Variants in CSF1R observed in about 807,000 individuals in gnomAD.
The protein encoded by CSF1R is colony stimulating factor 1 receptor.
A neutral mutation model predicts 110.0 loss-of-function variants in CSF1R; 40 were observed. The observed-to-expected ratio is 0.36, with a 90% CI of 0.28 to 0.47. The LOEUF (loss-of-function observed/expected upper bound fraction) is 0.47. Ranked by LOEUF, CSF1R falls within the 20% of genes least tolerant of loss-of-function variation. The probability of loss-of-function intolerance (pLI) is 0.99; values close to 1 mark genes in which losing one functional copy is unlikely to be tolerated. For missense variants in CSF1R, 1,052 were observed against 1,253.0 expected (o/e 0.84, Z 2.42); for synonymous variants, 523 against 503.4 (o/e 1.04, Z -0.52).
intron 1 of CSF1R, among the ~76,000 whole-genome samples, chr5:150,105,392 T>A (rs868562954): frequency 0.022 from 3,092 of 141,454 alleles, 133 homozygotes; most frequent in African/African-American, 0.075. Flanking sequence ...ATATTTTTTT[T>A]TTTTTAATAG....
chr5:150,059,658 C>T, intron 14 of CSF1R, 42 bp downstream of exon 14: 1 of 1,602,828 alleles, frequency 6.2e-7, no homozygotes, highest in Non-Finnish European at 8.5e-7. Flanking sequence ...CGGATCCTGC[C>T]TCCCAGACCT....
intron 3 of CSF1R, among the ~76,000 whole-genome samples, chr5:150,079,458 G>C (rs1450966925): frequency 6.6e-6 from 1 of 152,166 alleles, no homozygotes. Flanking sequence ...CACCTCCACT[G>C]TTACCTGGCC....
At position 150,053,317 on chromosome 5, in the gene CSF1R, T is replaced by C. The variant is rs1278012753; in HGVS notation, c.*752A>G. 8.6e-6 allele frequency: 2 copies of C among 233,216 alleles called. No individual in the cohort carries two copies. The highest frequency in any genetic ancestry group is 1.7e-5 in the Non-Finnish European group (2 of 117,816). 14.4% of individuals were successfully genotyped at this position (233,216 alleles called of 1,614,324 possible). On this transcript the variant is annotated 3_prime_UTR_variant, in exon 21 of 21. Coordinates refer to ENST00000675795, the MANE Select transcript of CSF1R (RefSeq NM_001288705.3). ...GACTGCATTAATGCTGTTAGTTTAA[T>C]GTGGACAGAGACATCCCACGGCGTG...
chr5:150,084,390 AGAAGGAAGGAAGGAAG>A (rs796350408), intron 1 of CSF1R, among the ~76,000 whole-genome samples: 489 of 44,266 alleles, frequency 0.011, 9 homozygotes, highest in African/African-American at 0.011. Context: ...AAAGAAAGAA[AGAAGGAAGGAAGGAAG>A]GAAGGAAGGA....
chr5:150,111,631 C>T (rs1759720265), intron 1 of CSF1R, among the ~76,000 whole-genome samples: 1 of 152,194 alleles, frequency 6.6e-6, no homozygotes. Context: ...CCTAGCTCTG[C>T]AAATTTGGGT....
chr5:150,073,833 TACAC>T (rs780972720), intron 5 of CSF1R, among the ~76,000 whole-genome samples: 1 of 152,140 alleles, frequency 6.6e-6, no homozygotes, highest in Non-Finnish European at 1.5e-5. Context: ...CACACACACA[TACAC>T]ACACAATTTC....
At chr5:150,067,121 G>T (rs1269597586) in intron 10 of CSF1R, 1 of 152,110 alleles carries the variant, frequency 6.6e-6, no homozygotes, top group East Asian at 1.9e-4. Flanking sequence ...TGTGTGGGCA[G>T]GCAGGCAGTG....
chr5:150,077,292 C>G lies in CSF1R; in HGVS notation c.873G>C (p.Met291Ile), dbSNP rs1561934537. ...SNVQGKHSTS[M>I]FFRVVESAYL... ...GATGCTTACCTACCACCCGGAAGAA[C>G]ATGGAGGTGGAGTGCTTGCCCTGCA... Residue 291 changes from methionine (M) to isoleucine (I), a missense_variant, in exon 5 of 21, where the codon ATG becomes ATC. Met to Ile is a conservative substitution (Grantham distance 10). Coordinates refer to ENST00000675795, the MANE Select transcript of CSF1R (RefSeq NM_001288705.3). The G allele has an allele frequency of 6.2e-7, 1 of 1,614,200 alleles. No homozygotes were observed. Among genetic ancestry groups the G allele is most frequent in the Non-Finnish European group, 8.5e-7 (1 of 1,180,026 alleles).
rs566841849 is a variant in CSF1R at position 150,107,388 on chromosome 5, A to C, written c.-181+5873T>G. ...GGGTGCTATTAATAATTGCATTAAC[A>C]CAGGGGCATGAAGAAGGACTGTTCT... On this transcript the variant is annotated intron_variant, in intron 1 of 21. Coordinates refer to the CSF1R transcript ENST00000286301. Among the ~76,000 whole-genome samples, 180 of 152,302 alleles carry C rather than the reference A, an allele frequency of 1.2e-3. 1 individual carries two copies. Among genetic ancestry groups the C allele is most frequent in the African/African-American group, 4.2e-3 (173 of 41,546 alleles).
rs191001196 is a variant in CSF1R at position 150,112,615 on chromosome 5, C to T, written c.-181+646G>A. ...AGTTATTTTCTTTACAAGGCAGATCCGGGTATCACCTCATTCAACTCCTGC... is the reference window on the plus strand; with the variant it reads ...AGTTATTTTCTTTACAAGGCAGATCTGGGTATCACCTCATTCAACTCCTGC... On this transcript the variant is annotated intron_variant, in intron 1 of 21. Transcript: ENST00000286301. Among the ~76,000 whole-genome samples the T allele has an allele frequency of 5.9e-5, 9 of 152,340 alleles. No individual in the cohort carries two copies. In the East Asian group the frequency reaches 7.7e-4, roughly 13 times the overall value.
chr5:150,069,813 A>C, intron 9 of CSF1R, 60 bp downstream of exon 9: 2 of 1,168,276 alleles, frequency 1.7e-6, no homozygotes, highest in South Asian at 1.5e-5. Flanking sequence ...GGAGCCGCCT[A>C]AAGGAGCAGG....
rs943493417 is a variant in CSF1R, at chr5:150,060,952, T to C, written c.1879A>G (p.Lys627Glu). ...MLKSTAHADEKEALMSELKIM... is the reference protein window; with the variant it reads ...MLKSTAHADEEEALMSELKIM... The stretch of plus-strand genomic sequence containing the variant: ...TTCAGCTCGGACATGAGGGCCTCCT[T>C]CTCATCAGCATGGGCCGTGGCTGGG... Residue 627 changes from lysine (K) to glutamate (E), a missense_variant, in exon 13 of 21, where the codon AAG becomes GAG. By Grantham distance (56) the Lys-to-Glu change is moderately conservative. Transcript: ENST00000675795. 9.3e-6 allele frequency: 15 copies of C among 1,605,712 alleles called. No individual in the cohort carries two copies. The highest frequency in any genetic ancestry group is 4.5e-5 in the East Asian group (2 of 44,734).
chr5:150,104,280 G>A (rs1196813606), intron 1 of CSF1R, among the ~76,000 whole-genome samples: 2 of 152,240 alleles, frequency 1.3e-5, no homozygotes, highest in Admixed American at 6.5e-5. Context: ...CAAGAGGGGT[G>A]GAGGCTACAG....
rs370469459 is a variant in CSF1R, at chr5:150,054,045, G to T, written c.*24C>A. 1.4e-5 allele frequency: 23 copies of T among 1,611,686 alleles called. No homozygotes were observed. The African/African-American group carries it at 3.1e-4, about 21-fold the overall frequency. ...GAGTTGAAGTTTGTGGGAGGGGAGA[G>T]TGGTACTCCCTGTCGTCAACTCCTC... On this transcript the variant is annotated 3_prime_UTR_variant, in exon 21 of 21. Transcript: ENST00000675795.
Position 150,054,313 on chromosome 5 carries a change from C to T in CSF1R, c.2763+9G>A, listed in dbSNP as rs747191440. On this transcript the variant is annotated intron_variant, in intron 20 of 20. Coordinates refer to ENST00000675795, the MANE Select transcript of CSF1R (RefSeq NM_001288705.3). ...ACCGGCCACCCACCCCAAGCCTCAC[C>T]CCACTCACCCGCTCTCTCCTGTCCT... 6.2e-6 allele frequency: 10 copies of T among 1,614,050 alleles called. No homozygotes were observed. In the Admixed American group the frequency reaches 6.7e-5, roughly 11 times the overall value.
chr5:150,084,445 AG>A (rs1382621254), intron 1 of CSF1R, among the ~76,000 whole-genome samples: 10 of 80,034 alleles, frequency 1.2e-4, no homozygotes, highest in African/African-American at 4.3e-4. Flanking sequence ...GAAGGAAGGA[AG>A]GAAGGAAGGA....
In CSF1R at chr5:150,080,846, G is replaced by A. The variant is rs1758506093; in HGVS notation, c.228C>T (p.Phe76=). 1 of 1,614,210 alleles carries A rather than the reference G, an allele frequency of 6.2e-7. No individual in the cohort carries two copies. The highest frequency in any genetic ancestry group is 8.5e-7 in the Non-Finnish European group (1 of 1,180,038). The change falls in exon 2 of 21, where the codon TTC becomes TTT. Residue 76 remains phenylalanine, a synonymous_variant. Transcript: ENST00000675795. ...SSILSTNNAT[F]QNTGTYRCTE... ...TGCAGCGATAGGTCCCCGTGTTTTG[G>A]AAGGTAGCGTTGTTGGTGCTGAGGA...
chr5:150,107,009 G>C (rs115215423), intron 1 of CSF1R, among the ~76,000 whole-genome samples: 1 of 152,126 alleles, frequency 6.6e-6, no homozygotes, highest in Non-Finnish European at 1.5e-5. Flanking sequence ...TCTCCCTTCC[G>C]GTCTTCTTTA....
Position 150,059,816 on chromosome 5 carries a change from G to T in CSF1R, c.2016C>A (p.Leu672=). Reference sequence around the variant, plus strand: ...CCTCAGCCTTCCTTCGCAGAAAGTTGAGCAGGTCGCCATAGCAACAGTACT... The same window carrying T: ...CCTCAGCCTTCCTTCGCAGAAAGTTTAGCAGGTCGCCATAGCAACAGTACT... The part of the protein sequence containing the change: ...ITEYCCYGDL[L]NFLRRKAEAM... Residue 672 remains leucine, a synonymous_variant, in exon 14 of 21, where the codon CTC becomes CTA. Transcript: ENST00000675795. 1 of 1,614,170 alleles carries T rather than the reference G, an allele frequency of 6.2e-7. No individual in the cohort carries two copies. Among genetic ancestry groups the T allele is most frequent in the Non-Finnish European group, 8.5e-7 (1 of 1,180,038 alleles).
Sources: allele counts gnomAD v4.1 joint callset (sites outside exome capture counted in the v4.1 genomes callset), GRCh38; gene constraint gnomAD v4.1.1; transcripts MANE v1.5; gene names NCBI Gene and HGNC (gene_info 2026-07-23, HGNC 2026-07-21).